NEB: variants seen among roughly 807,000 people sequenced by gnomAD.
NEB encodes nemaline myopathy type 2.
NEB carries 512 observed loss-of-function variants against 952.2 expected under a neutral mutation model. The ratio of observed to expected loss-of-function variants is 0.54; its 90% CI spans 0.50 to 0.58. NEB has a LOEUF of 0.58. Among genes scored for constraint, NEB ranks in the 20% least tolerant of loss-of-function variants. The pLI is 0.00. For synonymous variants in NEB, 2,900 were observed against 3,149.8 expected (o/e 0.92, Z 2.66); for missense variants, 8,428 against 9,231.1 (o/e 0.91, Z 3.56).
At position 151,643,818 on chromosome 2, in the gene NEB, A is replaced by G; in HGVS notation, c.7956T>C (p.Asp2652=). 6.2e-7 allele frequency: 1 copy of G among 1,611,026 alleles called. No homozygotes were observed. The highest frequency in any genetic ancestry group is 8.5e-7 in the Non-Finnish European group (1 of 1,177,454). Residue 2652 remains aspartate, a splice_region_variant and synonymous_variant, in exon 57 of 182, where the codon GAT becomes GAC. Transcript: ENST00000397345. ...HARQAYDLQS[D]NLYKSDLQWL... ...GGCCAAAGGAAAATCTTAGACTCAC[A>G]TCGCTCTGGAGGTCATAGGCCTGCC...
In NEB at chr2:151,649,919, G is replaced by GT. The variant is rs572230636; in HGVS notation, c.7431+256dup. On this transcript the variant is annotated intron_variant, in intron 54 of 181. Transcript: ENST00000397345. ...TGCAGTCAAGTTTCAAAGAAAAACA[G>GT]TTTGTTCGATCATTTTCCCATTATA... 1.6e-4 allele frequency among the ~76,000 whole-genome samples: 24 copies of GT among 152,210 alleles called. No homozygotes were observed. In the Middle Eastern group the frequency reaches 0.014, roughly 86 times the overall value.
At chr2:151,627,394 T>G in intron 69 of NEB, 129 bp downstream of exon 69, 1 of 1,453,948 alleles carries the variant, frequency 6.9e-7, no homozygotes. Flanking sequence ...GGGGAAGAGT[T>G]GCCTAAAAAA....
intron 160 of NEB, 27 bp from the exon 161 acceptor site, chr2:151,512,864 T>G: frequency 6.6e-6 from 10 of 1,504,420 alleles, no homozygotes; most frequent in Non-Finnish European, 9.2e-6. Flanking sequence ...AATAGTTGGG[T>G]AAATGTTTGC....
rs1213900494 is a variant in NEB, at chr2:151,692,219, G to A, written c.1998+42C>T. On this transcript the variant is annotated intron_variant, in intron 21 of 181. Transcript: ENST00000397345. ...GTTAACAATCATTTGTCAAACAGTA[G>A]GAAAGCCCTCCTACCCGAAAGGTAA... is the stretch of plus-strand genomic sequence containing the variant. 12 of 1,608,932 alleles carry A rather than the reference G, an allele frequency of 7.5e-6. No homozygotes were observed. The South Asian group carries it at 1.3e-4, about 18-fold the overall frequency.
At position 151,565,174 on chromosome 2, in the gene NEB, A is replaced by G. The variant is rs779788258; in HGVS notation, c.18367-26T>C. ...CTAAGGAGAGAAAACCAAATCTTTT[A>G]TTACTATAAATGAATATTAAATTTT... On this transcript the variant is annotated intron_variant, in intron 116 of 181. Coordinates refer to ENST00000397345, the MANE Select transcript of NEB (RefSeq NM_001164508.2). 9.7e-6 allele frequency: 11 copies of G among 1,139,658 alleles called. No individual in the cohort carries two copies. In the Admixed American group the frequency reaches 2.5e-4, roughly 25 times the overall value. The allele number at this position is 1,139,658 out of a possible 1,614,324, so 70.6% of individuals were successfully genotyped here.
At chr2:151,533,896 G>A (rs1296648421) in intron 142 of NEB, among the ~76,000 whole-genome samples, 2 of 152,122 alleles carry the variant, frequency 1.3e-5, no homozygotes, top group African/African-American at 4.8e-5. Context: ...TTTTGTTGTT[G>A]TTTGTTTATT....
chr2:151,655,437 T>C, intron 50 of NEB, 63 bp from the exon 51 acceptor site: 1 of 893,108 alleles, frequency 1.1e-6, no homozygotes, highest in Non-Finnish European at 1.7e-6. Context: ...AAGAAAAATA[T>C]GTATTTATAT....
At chr2:151,733,092 G>A (rs1286708067) in intron 3 of NEB, 29 bp downstream of exon 3, 4 of 1,581,394 alleles carry the variant, frequency 2.5e-6, no homozygotes, top group African/African-American at 1.4e-5. Context: ...AAAATAGTTT[G>A]CTGTCAGTGT....
rs1342133806 is a variant in NEB, at chr2:151,513,722, G to A, written c.23128-29C>T. 9 of 1,410,284 alleles carry A rather than the reference G, an allele frequency of 6.4e-6. No homozygotes were observed. In the East Asian group the frequency reaches 9.6e-5, roughly 15 times the overall value. The allele number at this position is 1,410,284 out of a possible 1,614,324, so 87.4% of individuals were successfully genotyped here. A position where few individuals can be genotyped will look rare whatever the true frequency, so the allele number is the denominator to read the frequency against. ...TAGTAGCATTAAAAGAAAAAAAAAA[G>A]GTACCTAAATGCTACTACTAGGTAA... is the stretch of plus-strand genomic sequence containing the variant. On this transcript the variant is annotated intron_variant, in intron 159 of 181. Transcript: ENST00000397345.
chr2:151,726,461 A>G (rs2099790718), intron 5 of NEB, among the ~76,000 whole-genome samples: 1 of 152,236 alleles, frequency 6.6e-6, no homozygotes, highest in Admixed American at 6.5e-5. Context: ...TGCTTTTGAC[A>G]TAAACTTTAG....
At chr2:151,635,758 G>A (rs1314265314) in intron 64 of NEB, among the ~76,000 whole-genome samples, 1 of 151,446 alleles carries the variant, frequency 6.6e-6, no homozygotes, top group East Asian at 1.9e-4. Flanking sequence ...GTCACCTCTG[G>A]TACTGATCAA....
Position 151,583,694 on chromosome 2 carries a change from T to G in NEB, c.15736A>C (p.Lys5246Gln), listed in dbSNP as rs1314313978. ...MGFRTLQDDP[K>Q]SVWAIHAAKI... ...GCAGCATGTATAGCCCATACTGACT[T>G]GGGGTCATCTTGTAGGGTGCGGAAA... Residue 5246 changes from lysine to glutamine, a missense_variant, in exon 101 of 182, where the codon AAG (lysine) becomes CAG (glutamine). Transcript: ENST00000397345. 1 of 419,240 alleles carries G rather than the reference T, an allele frequency of 2.4e-6. No homozygotes were observed. The highest frequency in any genetic ancestry group is 4.9e-5 in the Admixed American group (1 of 20,410). The allele number at this position is 419,240 out of a possible 1,614,324, so 26.0% of individuals were successfully genotyped here. A position where few individuals can be genotyped will look rare whatever the true frequency, so the allele number is the denominator to read the frequency against.
intron 67 of NEB, among the ~76,000 whole-genome samples, chr2:151,630,410 G>A (rs965383326): frequency 6.6e-6 from 1 of 152,124 alleles, no homozygotes; most frequent in Non-Finnish European, 1.5e-5. Flanking sequence ...TGGAATTAGT[G>A]GGCATGAATA....
intron 129 of NEB, among the ~76,000 whole-genome samples, chr2:151,551,096 T>C (rs571988370): frequency 1.3e-5 from 2 of 151,954 alleles, no homozygotes; most frequent in African/African-American, 2.4e-5. Context: ...GCCTCCCAAG[T>C]AGCTGGGATT....
Position 151,525,133 on chromosome 2 carries a change from C to T in NEB, c.22272+30G>A, listed in dbSNP as rs192400461. On this transcript the variant is annotated intron_variant, in intron 151 of 181. Transcript: ENST00000397345. ...TCTGGGTTCCACTGCTTCAAATGGG[C>T]CCCCAAGAGTGTTGAGAGGGAAAAC... The T allele has an allele frequency of 3.4e-6, 5 of 1,476,894 alleles. No homozygotes were observed. In the East Asian group the frequency reaches 6.8e-5, roughly 20 times the overall value. 91.5% of individuals were successfully genotyped at this position (1,476,894 alleles called of 1,614,324 possible). A position where few individuals can be genotyped will look rare whatever the true frequency, so the allele number is the denominator to read the frequency against.
intron 71 of NEB, among the ~76,000 whole-genome samples, chr2:151,623,878 AAAAT>A (rs1024625663): frequency 2.6e-5 from 4 of 152,196 alleles, no homozygotes; most frequent in Non-Finnish European, 5.9e-5. Context: ...TCAGGCCAAA[AAAAT>A]AGAGTTCTTT....
intron 128 of NEB, among the ~76,000 whole-genome samples, 165 bp from the exon 129 acceptor site, chr2:151,552,010 GA>G: frequency 6.6e-6 from 1 of 152,258 alleles, no homozygotes; most frequent in Middle Eastern, 3.4e-3. Flanking sequence ...CTCACACTGA[GA>G]AACAGAAGAG....
chr2:151,533,144 T>C (rs535232428), intron 143 of NEB, among the ~76,000 whole-genome samples: 3 of 152,372 alleles, frequency 2.0e-5, no homozygotes, highest in East Asian at 3.9e-4. Context: ...GGAATCTATT[T>C]CTTTGAGGCA....
intron 36 of NEB, among the ~76,000 whole-genome samples, chr2:151,673,938 G>A (rs1056784525): frequency 1.3e-5 from 2 of 151,746 alleles, no homozygotes; most frequent in Admixed American, 6.6e-5. Context: ...TTGGCCAGGC[G>A]TGAGCCACCA....
Sources: allele counts gnomAD v4.1 joint callset (sites outside exome capture counted in the v4.1 genomes callset), GRCh38; gene constraint gnomAD v4.1.1; transcripts MANE v1.5; gene names NCBI Gene and HGNC (gene_info 2026-07-23, HGNC 2026-07-21).